Variants in MKRN2 observed in about 807,000 individuals in gnomAD.
MKRN2 encodes E3 ubiquitin-protein ligase makorin-2.
In MKRN2, 32 loss-of-function variants were observed where a neutral mutation model predicts 45.4. The observed-to-expected ratio is 0.70, with a 90% CI of 0.53 to 0.95. The LOEUF is 0.95. Among genes scored for constraint, MKRN2 ranks in the 40% least tolerant of loss-of-function variants. The pLI, the probability that MKRN2 is intolerant of heterozygous loss-of-function variation, is 0.00. For synonymous variants in MKRN2, 206 were observed against 192.4 expected (o/e 1.07, Z -0.59); for missense variants, 526 against 536.7 (o/e 0.98, Z 0.20).
At chr3:12,576,187 A>ATGTGTGTGTGTG (rs1296884589) in intron 5 of MKRN2, among the ~76,000 whole-genome samples, 23 of 128,846 alleles carry the variant, frequency 1.8e-4, no homozygotes, top group African/African-American at 7.8e-4. Context: ...AGGAAACCAT[A>ATGTGTGTGTGTG]TATGTGTGTG....
rs139723840 is a variant in MKRN2, at chr3:12,583,449, C to CAAAG, written c.*1198_*1201dup. The CAAAG allele has an allele frequency of 5.1e-3, 979 of 193,394 alleles. 10 individuals are homozygous for CAAAG. Among genetic ancestry groups the CAAAG allele is most frequent in the African/African-American group, 0.021 (899 of 43,236 alleles). 12.0% of individuals were successfully genotyped at this position (193,394 alleles called of 1,614,324 possible). ...TACTTAACTCTTCAGTAGAGGTTTA[C>CAAAG]AAAGAGTACAAAGGTTAAATTACAA... On this transcript the variant is annotated 3_prime_UTR_variant, in exon 8 of 8. Coordinates refer to ENST00000170447, the MANE Select transcript of MKRN2 (RefSeq NM_014160.5).
At chr3:12,564,225 C>T (rs1470362337) in intron 1 of MKRN2, among the ~76,000 whole-genome samples, 1 of 152,174 alleles carries the variant, frequency 6.6e-6, no homozygotes, top group Non-Finnish European at 1.5e-5. Context: ...GGATTACAGG[C>T]GTGAGCCACT....
chr3:12,582,616 CT>C lies in MKRN2; in HGVS notation c.*364del, dbSNP rs551182257. On this transcript the variant is annotated 3_prime_UTR_variant, in exon 8 of 8. Coordinates refer to ENST00000170447, the MANE Select transcript of MKRN2 (RefSeq NM_014160.5). ...AGAAATAGTAAACTTGCAGCTGCCC[CT>C]AATGCAGCATATTTTTCTTACCAAA... 281 of 206,110 alleles carry C rather than the reference CT, an allele frequency of 1.4e-3. 2 individuals carry two copies. Among genetic ancestry groups the C allele is most frequent in the African/African-American group, 5.9e-3 (258 of 44,092 alleles). The allele number at this position is 206,110 out of a possible 1,614,324, so 12.8% of individuals were successfully genotyped here.
At chr3:12,574,657 G>C in intron 4 of MKRN2, 135 bp from the exon 5 acceptor site, 2 of 804,282 alleles carry the variant, frequency 2.5e-6, no homozygotes, top group South Asian at 1.7e-5. Flanking sequence ...GGGAGCCTGG[G>C]CCTTTGCTCA....
intron 1 of MKRN2, among the ~76,000 whole-genome samples, chr3:12,557,495 G>T (rs1418084514): frequency 6.6e-6 from 1 of 152,250 alleles, no homozygotes; most frequent in Non-Finnish European, 1.5e-5. Context: ...GAAGGCTCTG[G>T]GGCTTACGCT....
chr3:12,570,055 T>G lies in MKRN2; in HGVS notation c.156-16T>G. 4 of 1,586,986 alleles carry G rather than the reference T, an allele frequency of 2.5e-6. No individual in the cohort carries two copies. Among genetic ancestry groups the G allele is most frequent in the Non-Finnish European group, 3.4e-6 (4 of 1,165,508 alleles). ...GGTGGCATGTCTGTAATGCATCTGC[T>G]GTGTGTTTTGTTTAGATATGACCAC... On this transcript the variant is annotated splice_polypyrimidine_tract_variant and intron_variant, in intron 2 of 7. Coordinates refer to ENST00000170447, the MANE Select transcript of MKRN2 (RefSeq NM_014160.5).
chr3:12,570,366 G>C lies in MKRN2; in HGVS notation c.337+114G>C, dbSNP rs2058091454. The C allele has an allele frequency of 5.7e-6, 6 of 1,058,174 alleles. No homozygotes were observed. The South Asian group carries it at 9.6e-5, about 17-fold the overall frequency. The allele number at this position is 1,058,174 out of a possible 1,614,324, so 65.5% of individuals were successfully genotyped here. ...GGACTCCTAACCTAATACACCTCCA[G>C]ATTGTCTGCGCGGAGAGACTTCAGA... On this transcript the variant is annotated intron_variant, in intron 3 of 7. Coordinates refer to ENST00000170447, the MANE Select transcript of MKRN2 (RefSeq NM_014160.5).
intron 3 of MKRN2, among the ~76,000 whole-genome samples, 200 bp downstream of exon 3, chr3:12,570,452 C>G (rs2058091814): frequency 6.6e-6 from 1 of 152,122 alleles, no homozygotes; most frequent in Non-Finnish European, 1.5e-5. Context: ...CGCCCTCGTG[C>G]CCAAGGCTGG....
chr3:12,576,957 T>TTTTTTTTTTTTTTG (rs1553608767), intron 6 of MKRN2: 2 of 271,178 alleles, frequency 7.4e-6, no homozygotes, highest in African/African-American at 2.5e-5. Flanking sequence ...TTTTTTTTTT[T>TTTTTTTTTTTTTTG]CGGTGAGATA....
intron 4 of MKRN2, among the ~76,000 whole-genome samples, chr3:12,572,729 C>T (rs1221113566): frequency 4.0e-5 from 6 of 151,880 alleles, no homozygotes; most frequent in Non-Finnish European, 7.4e-5. Flanking sequence ...GGATTACAGG[C>T]GCCCACCACC....
rs753601501 is a variant in MKRN2, at chr3:12,568,994, C to G, written c.146C>G (p.Thr49Ser). ...CAGAAGGGCTACTGTGCCTATGGAA[C>G]TCGGTGCAGGCAAGGACTCTGCAAC... ...YYQKGYCAYGTRCRYDHTRPS... is the reference protein window; with the variant it reads ...YYQKGYCAYGSRCRYDHTRPS... The change falls in exon 2 of 8, where the codon ACT becomes AGT. Residue 49 changes from threonine (T) to serine (S), a missense_variant. Coordinates refer to ENST00000170447, the MANE Select transcript of MKRN2 (RefSeq NM_014160.5). 1 of 1,613,928 alleles carries G rather than the reference C, an allele frequency of 6.2e-7. No individual in the cohort carries two copies. Among genetic ancestry groups the G allele is most frequent in the Admixed American group, 1.7e-5 (1 of 59,928 alleles).
intron 6 of MKRN2, among the ~76,000 whole-genome samples, chr3:12,581,444 G>C (rs2596825): frequency 0.64 from 97,198 of 152,060 alleles, 33,545 homozygotes; most frequent in African/African-American, 0.88. Flanking sequence ...CAGCTTCAGA[G>C]CTTAGTGCCC....
chr3:12,561,803 G>C (rs546194766), intron 1 of MKRN2, among the ~76,000 whole-genome samples: 1 of 151,802 alleles, frequency 6.6e-6, no homozygotes, highest in African/African-American at 2.4e-5. Flanking sequence ...TACCTTCAAA[G>C]ATTACCATGT....
chr3:12,580,830 C>T (rs986536615), intron 6 of MKRN2, among the ~76,000 whole-genome samples: 1 of 152,248 alleles, frequency 6.6e-6, no homozygotes, highest in African/African-American at 2.4e-5. Context: ...GCCATCCCAT[C>T]TGACAAGACG....
At chr3:12,574,268 C>T (rs983074537) in intron 4 of MKRN2, among the ~76,000 whole-genome samples, 1 of 152,196 alleles carries the variant, frequency 6.6e-6, no homozygotes, top group Non-Finnish European at 1.5e-5. Flanking sequence ...CTCACTCTTG[C>T]TCAAATGCCA....
At chr3:12,566,538 A>G (rs1224695697) in intron 1 of MKRN2, among the ~76,000 whole-genome samples, 2 of 152,054 alleles carry the variant, frequency 1.3e-5, no homozygotes, top group Non-Finnish European at 2.9e-5. Context: ...CATCTACTAA[A>G]CTCATCTAAT....
At chr3:12,575,827 T>C (rs1467357354) in intron 5 of MKRN2, among the ~76,000 whole-genome samples, 1 of 152,228 alleles carries the variant, frequency 6.6e-6, no homozygotes, top group African/African-American at 2.4e-5. Flanking sequence ...TTGTCAGAGT[T>C]CATCCCGACT....
At chr3:12,570,015 T>C in intron 2 of MKRN2, 56 bp from the exon 3 acceptor site, 3 of 1,489,624 alleles carry the variant, frequency 2.0e-6, no homozygotes, top group Non-Finnish European at 2.7e-6. Context: ...CTGGGGAGTG[T>C]GGGAGATGTG....
chr3:12,582,280 G>C lies in MKRN2; in HGVS notation c.*27G>C, dbSNP rs369012061. 41 of 1,609,884 alleles carry C rather than the reference G, an allele frequency of 2.5e-5. No homozygotes were observed. In the African/African-American group the frequency reaches 4.4e-4, roughly 17 times the overall value. ...GAGTAGATGGTTGCCCTGCATCTTG[G>C]GCTCCATCGGCCGAAACTTTCCCAA... On this transcript the variant is annotated 3_prime_UTR_variant, in exon 8 of 8. Transcript: ENST00000170447.
Sources: gnomAD v4.1 joint callset for allele counts (sites outside exome capture counted in the v4.1 genomes callset) on GRCh38, gnomAD v4.1.1 for gene constraint, MANE v1.5 for transcripts, NCBI Gene and HGNC (gene_info 2026-07-23, HGNC 2026-07-21) for gene names.